The following KAZN variants were observed in gnomAD, a reference collection of about 807,000 sequenced individuals.
The protein encoded by KAZN is kazrin, periplakin interacting protein, also known as kazrin.
In KAZN, 40 loss-of-function variants were observed where a neutral mutation model predicts 87.4. That is an observed-to-expected ratio of 0.46 (90% CI 0.36 to 0.60). The LOEUF (loss-of-function observed/expected upper bound fraction) is 0.60, where lower values mean the gene tolerates loss of function less well. Among genes scored for constraint, KAZN ranks in the 20% least tolerant of loss-of-function variants. The pLI is 0.00. For synonymous variants in KAZN, 466 were observed against 458.3 expected (o/e 1.02, Z -0.22); for missense variants, 898 against 1,073.9 (o/e 0.84, Z 2.29).
intron 1 of KAZN, among the ~76,000 whole-genome samples, chr1:14,071,836 G>A (rs1234378807): frequency 6.6e-6 from 1 of 152,208 alleles, no homozygotes; most frequent in East Asian, 1.9e-4. Context: ...TGGCGGTTCT[G>A]CCTGAGCAGG....
chr1:14,165,938 T>G (rs1215615941), intron 1 of KAZN, among the ~76,000 whole-genome samples: 1 of 152,166 alleles, frequency 6.6e-6, no homozygotes, highest in Non-Finnish European at 1.5e-5. Context: ...ACTGAGTACT[T>G]TCCAGCAGAT....
chr1:14,348,474 C>T (rs1157940556), intron 2 of KAZN, among the ~76,000 whole-genome samples: 6 of 152,196 alleles, frequency 3.9e-5, no homozygotes, highest in African/African-American at 1.4e-4. Context: ...TTTGCACTTA[C>T]CTGGAGGATT....
Position 14,598,708 on chromosome 1 carries a change from C to T in KAZN, c.-290C>T, listed in dbSNP as rs2148592884. The T allele has an allele frequency of 1.5e-6, 2 of 1,316,868 alleles. No homozygotes were observed. The highest frequency in any genetic ancestry group is 1.6e-5 in the African/African-American group (1 of 64,322). The allele number at this position is 1,316,868 out of a possible 1,614,324, so 81.6% of individuals were successfully genotyped here. A position where few individuals can be genotyped will look rare whatever the true frequency, so the allele number is the denominator to read the frequency against. Reference sequence around the variant, plus strand: ...TCCTTCTTGGAGCAGCTCTCGGCGCCCGCCCGCCGGGGTCTCGGCGATCGC... The same window carrying T: ...TCCTTCTTGGAGCAGCTCTCGGCGCTCGCCCGCCGGGGTCTCGGCGATCGC... On this transcript the variant is annotated 5_prime_UTR_variant, in exon 1 of 15. Coordinates refer to ENST00000376030, the MANE Select transcript of KAZN (RefSeq NM_201628.3). The surrounding 1 kb of genome is among the most constrained non-coding windows in gnomAD (Gnocchi z 4.2).
intron 2 of KAZN, among the ~76,000 whole-genome samples, chr1:14,365,727 A>C (rs1659941294): frequency 6.6e-6 from 1 of 152,166 alleles, no homozygotes; most frequent in South Asian, 2.1e-4. Context: ...GACATTACCA[A>C]ATATCCCTTG....
intron 2 of KAZN, among the ~76,000 whole-genome samples, chr1:14,581,636 C>A (rs1386403511): frequency 6.6e-6 from 1 of 152,186 alleles, no homozygotes; most frequent in African/African-American, 2.4e-5. Context: ...ACCTCACAGT[C>A]CCCAAGGGGA....
At chr1:13,988,571 AGTG>A (rs954502671) in intron 1 of KAZN, among the ~76,000 whole-genome samples, 7 of 152,154 alleles carry the variant, frequency 4.6e-5, no homozygotes, top group African/African-American at 1.7e-4. Flanking sequence ...CAAGTCCAAA[AGTG>A]GTGAACATTA....
chr1:14,872,999 C>CATGGATGG (rs150273318), intron 1 of KAZN, among the ~76,000 whole-genome samples: 5,301 of 140,702 alleles, frequency 0.038, 353 homozygotes, highest in African/African-American at 0.13. Context: ...TAGAAGGATA[C>CATGGATGG]ATGGATGGAT....
intron 1 of KAZN, among the ~76,000 whole-genome samples, chr1:13,983,602 G>C (rs908440054): frequency 6.6e-6 from 1 of 152,212 alleles, no homozygotes; most frequent in African/African-American, 2.4e-5. Context: ...AGCCCAGAAA[G>C]GGGCTCCCAC....
intron 1 of KAZN, among the ~76,000 whole-genome samples, chr1:14,722,160 A>AT (rs1051941071): frequency 6.4e-5 from 7 of 110,182 alleles, no homozygotes; most frequent in African/African-American, 2.0e-4. Context: ...CAAAAAAAAA[A>AT]AAGAATAAAA....
chr1:15,049,576 G>C (rs1674078111), intron 4 of KAZN, among the ~76,000 whole-genome samples: 1 of 152,010 alleles, frequency 6.6e-6, no homozygotes, highest in Non-Finnish European at 1.5e-5. Context: ...CCTCCATCAA[G>C]TAGGACATTT....
intron 1 of KAZN, among the ~76,000 whole-genome samples, chr1:14,165,227 G>A (rs577471293): frequency 3.6e-4 from 54 of 151,878 alleles, no homozygotes; most frequent in African/African-American, 1.2e-3. Flanking sequence ...TGTATTTCTC[G>A]GTGGGCCCTC....
chr1:14,172,267 T>C (rs1045460647), intron 1 of KAZN, among the ~76,000 whole-genome samples: 1 of 152,238 alleles, frequency 6.6e-6, no homozygotes, highest in Non-Finnish European at 1.5e-5. Context: ...CACTGTTTAG[T>C]TGAAATGTCT....
chr1:14,064,674 A>G (rs944402294), intron 1 of KAZN, among the ~76,000 whole-genome samples: 2 of 135,534 alleles, frequency 1.5e-5, no homozygotes, highest in South Asian at 2.6e-4. Flanking sequence ...TGAGAGCACG[A>G]GGGTGGGGGT....
intron 1 of KAZN, among the ~76,000 whole-genome samples, chr1:14,154,959 TTC>T (rs1570891358): frequency 1.3e-5 from 2 of 148,906 alleles, no homozygotes; most frequent in East Asian, 2.0e-4. Context: ...TTTTTCTTCC[TTC>T]CTTCCTTCCT....
chr1:13,927,001 C>T (rs1640305516), intron 1 of KAZN, among the ~76,000 whole-genome samples: 1 of 152,242 alleles, frequency 6.6e-6, no homozygotes, highest in Middle Eastern at 3.4e-3. Context: ...GTCACTCGGC[C>T]CTTTGTTTTC....
chr1:14,991,903 G>A (rs1965402), intron 2 of KAZN, among the ~76,000 whole-genome samples: 93,696 of 152,162 alleles, frequency 0.62, 31,441 homozygotes, highest in African/African-American at 0.9. Context: ...AGGAGTATCT[G>A]TGAATCAAAC....
intron 1 of KAZN, among the ~76,000 whole-genome samples, chr1:14,617,175 C>T (rs116169614): frequency 0.011 from 1,642 of 152,242 alleles, 32 homozygotes; most frequent in African/African-American, 0.038. Context: ...CTATGTTATG[C>T]GGCTGTTCTA....
chr1:14,847,563 G>C lies in KAZN; in HGVS notation c.227-113121G>C, dbSNP rs371837536. 5.9e-5 allele frequency among the ~76,000 whole-genome samples: 9 copies of C among 152,320 alleles called. 1 individual carries two copies. The highest frequency in any genetic ancestry group is 2.2e-4 in the African/African-American group (9 of 41,566). On this transcript the variant is annotated intron_variant, in intron 1 of 14. Coordinates refer to ENST00000376030, the MANE Select transcript of KAZN (RefSeq NM_201628.3). Reference sequence around the variant, plus strand: ...CTGCGTCTGTGTAGTGCTCAGGTAAGAAGAGAATTTGGGAGCACACTACTT... The same window carrying C: ...CTGCGTCTGTGTAGTGCTCAGGTAACAAGAGAATTTGGGAGCACACTACTT...
rs1384050300 is a variant in KAZN, at chr1:14,820,575, C to T, written c.227-140109C>T. Among the ~76,000 whole-genome samples, 1 of 152,216 alleles carries T rather than the reference C, an allele frequency of 6.6e-6. No homozygotes were observed. The highest frequency in any genetic ancestry group is 2.4e-5 in the African/African-American group (1 of 41,438). ...GCATGGAATGTCACGTGGGGTTTTC[C>T]ACTCTCGCCCACAGTGAGTTGGCAA... On this transcript the variant is annotated intron_variant, in intron 1 of 14. Coordinates refer to ENST00000376030, the MANE Select transcript of KAZN (RefSeq NM_201628.3). This position sits in a 1 kb window ranked among gnomAD's most constrained non-coding sequence, Gnocchi z 4.1.
Sources: gnomAD v4.1 joint callset for allele counts (sites outside exome capture counted in the v4.1 genomes callset) on GRCh38, gnomAD v4.1.1 for gene constraint, Gnocchi (gnomAD v3.1) non-coding constraint, MANE v1.5 for transcripts, NCBI Gene and HGNC (gene_info 2026-07-23, HGNC 2026-07-21) for gene names.